The following RUBCNL variants were observed in gnomAD, a reference collection of about 807,000 sequenced individuals.
RUBCNL encodes protein associated with UVRAG as autophagy enhancer.
In RUBCNL, 62 loss-of-function variants were observed where a neutral mutation model predicts 69.5. The observed-to-expected ratio is 0.89, with a 90% confidence interval of 0.73 to 1.10. The LOEUF is 1.10. Ranked by LOEUF, RUBCNL falls within the 50% of genes least tolerant of loss-of-function variation. RUBCNL has a pLI of 0.00. For synonymous variants in RUBCNL, 291 were observed against 303.6 expected (o/e 0.96, Z 0.43); for missense variants, 768 against 798.1 (o/e 0.96, Z 0.45).
chr13:46,342,106 G>A lies in RUBCNL; in HGVS notation c.*1279C>T, dbSNP rs1467209584. The A allele has an allele frequency of 1.3e-5, 2 of 152,258 alleles. No homozygotes were observed. The highest frequency in any genetic ancestry group is 2.1e-4 in the South Asian group (1 of 4,836). The allele number at this position is 152,258 out of a possible 1,614,324, so 9.4% of individuals were successfully genotyped here. A position where few individuals can be genotyped will look rare whatever the true frequency, so the allele number is the denominator to read the frequency against. On this transcript the variant is annotated 3_prime_UTR_variant, in exon 15 of 15. Transcript: ENST00000429979. Reference sequence around the variant, plus strand: ...TGAGCACAGTTCTGGCAGAGGCACTGCGGATGAGAAAACAATTGACAGAAT... The same window carrying A: ...TGAGCACAGTTCTGGCAGAGGCACTACGGATGAGAAAACAATTGACAGAAT...
At chr13:46,383,968 T>C (rs114851078) in intron 1 of RUBCNL, among the ~76,000 whole-genome samples, 4,048 of 152,274 alleles carry the variant, frequency 0.027, 89 homozygotes, top group East Asian at 0.098. Context: ...TTAAATCTTG[T>C]GGACTCAAAT....
chr13:46,387,741 CAT>C, upstream of RUBCNL: 1 of 985,468 alleles, frequency 1.0e-6, no homozygotes, highest in Non-Finnish European at 1.2e-6. Context: ...GAGTCCGACT[CAT>C]GTAGCACTTC....
In RUBCNL at chr13:46,386,267, C is replaced by G. The variant is rs181654913; in HGVS notation, c.-239+867G>C. Among the ~76,000 whole-genome samples, 278 of 152,244 alleles carry G rather than the reference C, an allele frequency of 1.8e-3. 3 individuals are homozygous for G. Among genetic ancestry groups the G allele is most frequent in the African/African-American group, 6.2e-3 (259 of 41,560 alleles). On this transcript the variant is annotated intron_variant, in intron 1 of 14. Coordinates refer to ENST00000429979, the MANE Select transcript of RUBCNL (RefSeq NM_025113.5). ...AGAAGGTTTCTTGACTTGCCAAGAT[C>G]TCCCCGCTACTTTGGCTTTAAGAAA... is the stretch of plus-strand genomic sequence containing the variant.
chr13:46,356,110 A>AT (rs776185395), intron 10 of RUBCNL, among the ~76,000 whole-genome samples: 22 of 152,292 alleles, frequency 1.4e-4, no homozygotes, highest in Non-Finnish European at 3.1e-4. Context: ...CAGAGAGAGC[A>AT]TTTGGGGGAG....
At position 46,361,444 on chromosome 13, in the gene RUBCNL, C is replaced by A. The variant is rs144072681; in HGVS notation, c.1116G>T (p.Ser372=). Reference sequence around the variant, plus strand: ...GTCAATTTTTTTTGATACTTACTATCGAGCCAGCTGCACTCAGGGAACCTG... The same window carrying A: ...GTCAATTTTTTTTGATACTTACTATAGAGCCAGCTGCACTCAGGGAACCTG... ...QLAGSLSAAG[S]IVVNEECVRK... Residue 372 remains serine, a synonymous_variant, in exon 8 of 15, where the codon TCG becomes TCT. Coordinates refer to ENST00000429979, the MANE Select transcript of RUBCNL (RefSeq NM_025113.5). The A allele has an allele frequency of 1.2e-6, 2 of 1,613,116 alleles. No homozygotes were observed. The highest frequency in any genetic ancestry group is 1.3e-5 in the African/African-American group (1 of 74,850).
rs1566077350 is a variant in RUBCNL, at chr13:46,362,661, A to G, written c.926-63T>C. 3 of 1,150,998 alleles carry G rather than the reference A, an allele frequency of 2.6e-6. No individual in the cohort carries two copies. In the African/African-American group the frequency reaches 4.6e-5, roughly 18 times the overall value. 71.3% of individuals were successfully genotyped at this position (1,150,998 alleles called of 1,614,324 possible). On this transcript the variant is annotated intron_variant, in intron 6 of 14. Transcript: ENST00000429979. ...AGTCTGTTTCATTTAATCGCAGTCC[A>G]TTTTATAAGAACACTAAAATCACTC... is the stretch of plus-strand genomic sequence containing the variant.
intron 1 of RUBCNL, among the ~76,000 whole-genome samples, chr13:46,384,826 G>A (rs2049201854): frequency 6.6e-6 from 1 of 152,114 alleles, no homozygotes; most frequent in African/African-American, 2.4e-5. Context: ...TAGAAACAAA[G>A]GATTCATTCA....
rs2048663147 is a variant in RUBCNL at position 46,362,962 on chromosome 13, A to ATATATATATATATATATC, written c.925+152_925+153insGATATATATATATATATA. 5.3e-5 allele frequency among the ~76,000 whole-genome samples: 5 copies of ATATATATATATATATATC among 94,216 alleles called. No homozygotes were observed. In the South Asian group the frequency reaches 1.2e-3, roughly 23 times the overall value. The allele number at this position is 94,216 out of a possible 152,430, so 61.8% of individuals were successfully genotyped here. On this transcript the variant is annotated intron_variant, in intron 6 of 14. Transcript: ENST00000429979. ...TAGATATATATATATATATATATAT[A>ATATATATATATATATATC]TATATATATATATCAGGGCCATAAT...
rs763601167 is a variant in RUBCNL, at chr13:46,372,288, G to C, written c.188C>G (p.Pro63Arg). The C allele has an allele frequency of 6.2e-7, 1 of 1,613,972 alleles. No individual in the cohort carries two copies. The highest frequency in any genetic ancestry group is 1.1e-5 in the South Asian group (1 of 91,092). ...WINPQDVQQQ[P>R]QDLQSQVPAA... ...TGGCACCTGAGATTGCAAGTCCTGC[G>C]GCTGTTGCTGCACATCCTGGGGGTT... The change falls in exon 3 of 15, where the codon CCG becomes CGG. Residue 63 changes from proline (P) to arginine (R), a missense_variant. Physicochemically the swap from Pro to Arg is moderately radical, Grantham distance 103. Transcript: ENST00000429979.
intron 7 of RUBCNL, among the ~76,000 whole-genome samples, 169 bp from the exon 8 acceptor site, chr13:46,361,742 C>A (rs1448030914): frequency 6.6e-6 from 1 of 152,100 alleles, no homozygotes; most frequent in African/African-American, 2.4e-5. Context: ...ATGGCTCCTG[C>A]ATGTTCAATA....
chr13:46,382,464 A>G (rs1365681475), intron 1 of RUBCNL, among the ~76,000 whole-genome samples: 3 of 152,174 alleles, frequency 2.0e-5, no homozygotes, highest in Non-Finnish European at 4.4e-5. Context: ...GGGCTGGTAA[A>G]GACAACAGAT....
At chr13:46,345,686 C>G in intron 12 of RUBCNL, 86 bp from the exon 13 acceptor site, 1 of 1,341,284 alleles carries the variant, frequency 7.5e-7, no homozygotes, top group Non-Finnish European at 1.0e-6. Flanking sequence ...TCTCTTGGCA[C>G]TCACACTTAA....
chr13:46,342,526 T>G lies in RUBCNL; in HGVS notation c.*859A>C, dbSNP rs911698174. On this transcript the variant is annotated 3_prime_UTR_variant, in exon 15 of 15. Transcript: ENST00000429979. ...AAAGGTTTTGTGATTCATTTAACCT[T>G]ATTAGTCAATGTCTATGATTTTAAT... The G allele has an allele frequency of 4.6e-5, 7 of 152,380 alleles. No homozygotes were observed. The highest frequency in any genetic ancestry group is 1.7e-4 in the African/African-American group (7 of 41,596). 9.4% of individuals were successfully genotyped at this position (152,380 alleles called of 1,614,324 possible).
rs1297164782 is a variant in RUBCNL at position 46,343,446 on chromosome 13, C to T, written c.1928G>A (p.Arg643Gln). Residue 643 changes from arginine (R) to glutamine (Q), a missense_variant, in exon 15 of 15, where the codon CGG (arginine) becomes CAG (glutamine). Physicochemically the swap from Arg to Gln is conservative, Grantham distance 43 (BLOSUM62 1). Coordinates refer to ENST00000429979, the MANE Select transcript of RUBCNL (RefSeq NM_025113.5). Reference protein sequence around the residue: ...KQCFQSSECPRCARITARRKL... With the variant: ...KQCFQSSECPQCARITARRKL... ...TCTCCTCGCTGTGATCCTCGCACAC[C>T]GGGGGCACTCGGAGGACTGGAAGCA... The T allele has an allele frequency of 9.9e-6, 16 of 1,613,774 alleles. No homozygotes were observed. Among genetic ancestry groups the T allele is most frequent in the East Asian group, 2.2e-5 (1 of 44,886 alleles).
At chr13:46,356,583 T>C in intron 9 of RUBCNL, 87 bp from the exon 10 acceptor site, 1 of 1,112,996 alleles carries the variant, frequency 9.0e-7, no homozygotes, top group Non-Finnish European at 1.3e-6. Context: ...GCCATCGTGA[T>C]ACTTTTCTAA....
In RUBCNL at chr13:46,350,641, A is replaced by G. The variant is rs558258846; in HGVS notation, c.1331-290T>C. 1.3e-5 allele frequency: 4 copies of G among 311,930 alleles called. No homozygotes were observed. In the East Asian group the frequency reaches 2.2e-4, roughly 17 times the overall value. 19.3% of individuals were successfully genotyped at this position (311,930 alleles called of 1,614,324 possible). On this transcript the variant is annotated intron_variant, in intron 10 of 14. Transcript: ENST00000429979. ...AAATTGCAAACTGCAGTGTAGCAAA[A>G]GGAACATTCATTTTAGGATCTGGAA... is the stretch of plus-strand genomic sequence containing the variant.
At chr13:46,380,721 C>T (rs974534047) in intron 1 of RUBCNL, among the ~76,000 whole-genome samples, 1 of 152,078 alleles carries the variant, frequency 6.6e-6, no homozygotes, top group Non-Finnish European at 1.5e-5. Flanking sequence ...AATTTATACA[C>T]CTTACATGTG....
At chr13:46,350,458 T>C in intron 10 of RUBCNL, 107 bp from the exon 11 acceptor site, 1 of 793,938 alleles carries the variant, frequency 1.3e-6, no homozygotes, top group Admixed American at 2.5e-5. Flanking sequence ...TGATGACTTG[T>C]TTCATGATGA....
intron 9 of RUBCNL, among the ~76,000 whole-genome samples, chr13:46,357,080 C>T (rs1323714025): frequency 4.0e-5 from 6 of 150,652 alleles, no homozygotes; most frequent in Admixed American, 2.0e-4. Flanking sequence ...CGGTGGCTCA[C>T]GCCTGTAATC....
Sources: gnomAD v4.1 joint callset for allele counts (sites outside exome capture counted in the v4.1 genomes callset) on GRCh38, gnomAD v4.1.1 for gene constraint, MANE v1.5 for transcripts, NCBI Gene and HGNC (gene_info 2026-07-23, HGNC 2026-07-21) for gene names.